The following ENTREP2 variants were observed in gnomAD, a reference collection of about 807,000 sequenced individuals.
The protein encoded by ENTREP2 is endosomal transmembrane epsin interactor 2.
At chr15:29,280,406 A>C in the ENTREP2 span, among the ~76,000 whole-genome samples, 1 of 152,274 alleles carries the variant, frequency 6.6e-6, no homozygotes, top group African/African-American at 2.4e-5. Context: ...TGAACAGACA[A>C]AATAAAGAAG....
chr15:29,119,837 T>C, the ENTREP2 span, among the ~76,000 whole-genome samples: 3 of 151,482 alleles, frequency 2.0e-5, no homozygotes, highest in African/African-American at 7.4e-5. Flanking sequence ...AAGGGGGACA[T>C]TCCTGCCGTG....
the ENTREP2 span, among the ~76,000 whole-genome samples, chr15:29,371,384 A>ACACACACACACG: frequency 7.3e-5 from 11 of 151,508 alleles, no homozygotes; most frequent in Admixed American, 7.2e-4. Context: ...ACACACACAC[A>ACACACACACACG]CGAAACCAAC....
At chr15:29,485,467 C>G in the ENTREP2 span, among the ~76,000 whole-genome samples, 3 of 152,138 alleles carry the variant, frequency 2.0e-5, no homozygotes, top group Non-Finnish European at 2.9e-5. Context: ...CTGTGTAACT[C>G]AGAATGCACT....
the ENTREP2 span, among the ~76,000 whole-genome samples, chr15:29,674,426 T>C: frequency 6.6e-6 from 1 of 152,060 alleles, no homozygotes; most frequent in Non-Finnish European, 1.5e-5. Context: ...CCCGCCACCA[T>C]GCCCAGCTAA....
At chr15:29,667,688 G>T in the ENTREP2 span, among the ~76,000 whole-genome samples, 1 of 151,872 alleles carries the variant, frequency 6.6e-6, no homozygotes, top group South Asian at 2.1e-4. Flanking sequence ...TAGAGACAAG[G>T]TTTCACCATG....
the ENTREP2 span, among the ~76,000 whole-genome samples, chr15:29,363,028 C>A: frequency 1.2e-4 from 18 of 152,156 alleles, no homozygotes; most frequent in Non-Finnish European, 2.4e-4. Context: ...GATACTTAAG[C>A]TGCTTTATGA....
the ENTREP2 span, chr15:29,234,760 C>T: frequency 7.4e-6 from 11 of 1,494,726 alleles, no homozygotes; most frequent in Admixed American, 1.7e-4. Flanking sequence ...CTGCATCTTG[C>T]TCAACATTGG....
At chr15:29,538,847 T>G in the ENTREP2 span, among the ~76,000 whole-genome samples, 1 of 151,994 alleles carries the variant, frequency 6.6e-6, no homozygotes, top group Non-Finnish European at 1.5e-5. Context: ...GCACCTACAT[T>G]GATAATTTTT....
At chr15:29,408,809 C>T in the ENTREP2 span, among the ~76,000 whole-genome samples, 1 of 152,076 alleles carries the variant, frequency 6.6e-6, no homozygotes, top group East Asian at 1.9e-4. Flanking sequence ...ATGTTCAATC[C>T]ATCTACTTAG....
the ENTREP2 span, among the ~76,000 whole-genome samples, chr15:29,337,710 C>G: frequency 6.6e-6 from 1 of 152,158 alleles, no homozygotes; most frequent in Non-Finnish European, 1.5e-5. Flanking sequence ...AGAGCTTCCA[C>G]GTGCCAGGTC....
the ENTREP2 span, among the ~76,000 whole-genome samples, chr15:29,320,130 C>T: frequency 6.6e-6 from 1 of 152,166 alleles, no homozygotes; most frequent in Admixed American, 6.5e-5. Context: ...GCTAGAAACG[C>T]TTGTTAAGGT....
the ENTREP2 span, among the ~76,000 whole-genome samples, chr15:29,224,211 C>A: frequency 6.6e-6 from 1 of 152,038 alleles, no homozygotes; most frequent in Admixed American, 6.6e-5. Flanking sequence ...CAAATCGGCG[C>A]GTCTGGAGTT....
the ENTREP2 span, among the ~76,000 whole-genome samples, chr15:29,202,536 G>C: frequency 3.3e-5 from 5 of 152,038 alleles, no homozygotes; most frequent in African/African-American, 9.7e-5. Flanking sequence ...TGTTACATAG[G>C]TATATATGTG....
chr15:29,146,475 G>C, the ENTREP2 span, among the ~76,000 whole-genome samples: 1 of 152,208 alleles, frequency 6.6e-6, no homozygotes, highest in Non-Finnish European at 1.5e-5. Context: ...GAATAGAATT[G>C]AGAGTCCAGA....
the ENTREP2 span, among the ~76,000 whole-genome samples, chr15:29,493,552 G>C: frequency 6.6e-6 from 1 of 152,072 alleles, no homozygotes; most frequent in Non-Finnish European, 1.5e-5. Context: ...AGTAATTCAA[G>C]GCTGCAGTGA....
the ENTREP2 span, among the ~76,000 whole-genome samples, chr15:29,236,680 T>C: frequency 6.6e-6 from 1 of 152,080 alleles, no homozygotes; most frequent in African/African-American, 2.4e-5. Context: ...AGAAATTGAA[T>C]TCATAGCATT....
the ENTREP2 span, among the ~76,000 whole-genome samples, chr15:29,545,367 A>G: frequency 1.3e-5 from 2 of 152,244 alleles, no homozygotes; most frequent in East Asian, 3.8e-4. Flanking sequence ...ATGAGCATGG[A>G]ATATGAACAG....
At chr15:29,328,813 T>C in the ENTREP2 span, among the ~76,000 whole-genome samples, 2 of 152,206 alleles carry the variant, frequency 1.3e-5, no homozygotes, top group Non-Finnish European at 2.9e-5. Context: ...AACTCATGTT[T>C]AGCTTAATAG....
the ENTREP2 span, among the ~76,000 whole-genome samples, chr15:29,602,730 T>C: frequency 6.6e-6 from 1 of 152,042 alleles, no homozygotes; most frequent in Non-Finnish European, 1.5e-5. Context: ...TAGAGATATA[T>C]TCCCTCTTTC....
Sources: allele counts gnomAD v4.1 joint callset (sites outside exome capture counted in the v4.1 genomes callset), GRCh38; gene constraint gnomAD v4.1.1; transcripts MANE v1.5; gene names NCBI Gene and HGNC (gene_info 2026-07-23, HGNC 2026-07-21).